The following ABCC1 variants were observed in gnomAD, a reference collection of about 807,000 sequenced individuals.
ABCC1 encodes ATP binding cassette subfamily C member 1 (ABCC1 blood group).
In ABCC1, 83 loss-of-function variants were observed where a neutral mutation model predicts 172.9. The observed-to-expected ratio is 0.48, with a 90% CI of 0.40 to 0.58. The LOEUF (loss-of-function observed/expected upper bound fraction) is 0.58, where lower values mean the gene tolerates loss of function less well. ABCC1 is among the 20% of genes least tolerant of loss of function. The pLI, the probability that ABCC1 is intolerant of heterozygous loss-of-function variation, is 0.00. For synonymous variants in ABCC1, 937 were observed against 825.2 expected, an observed-to-expected ratio of 1.14 and a Z score of -2.32; for missense variants, 1,817 against 2,002.7, an observed-to-expected ratio of 0.91 and a Z score of 1.77.
intron 23 of ABCC1, among the ~76,000 whole-genome samples, chr16:16,120,986 A>G (rs763639644): frequency 3.3e-5 from 5 of 152,196 alleles, no homozygotes; most frequent in South Asian, 2.1e-4. Context: ...GTCAAACTAT[A>G]TGAAACTGCT....
At chr16:16,041,301 C>T (rs561345665) in intron 7 of ABCC1, among the ~76,000 whole-genome samples, 1 of 152,146 alleles carries the variant, frequency 6.6e-6, no homozygotes, top group South Asian at 2.1e-4. Flanking sequence ...TAAGCTGTGC[C>T]CTAGCCCTGA....
At chr16:16,036,722 C>A in intron 7 of ABCC1, 119 bp downstream of exon 7, 1 of 1,063,152 alleles carries the variant, frequency 9.4e-7, no homozygotes, top group Non-Finnish European at 1.4e-6. Flanking sequence ...TGGTTCTGGG[C>A]AAGATGCCTC....
intron 5 of ABCC1, among the ~76,000 whole-genome samples, chr16:16,027,152 G>GTCATTTGAGGCCTGTTT (rs2048403654): frequency 6.6e-6 from 1 of 152,102 alleles, no homozygotes; most frequent in Non-Finnish European, 1.5e-5. Context: ...GCAAAAGACT[G>GTCATTTGAGGCCTGTTT]TCATTTGAGG....
intron 27 of ABCC1, among the ~76,000 whole-genome samples, chr16:16,132,675 C>T (rs539214863): frequency 6.6e-6 from 1 of 151,716 alleles, no homozygotes; most frequent in South Asian, 2.1e-4. Context: ...GCATGCGCCA[C>T]CATGCCTAGC....
chr16:16,080,699 A>G (rs2050772443), intron 16 of ABCC1, among the ~76,000 whole-genome samples: 1 of 152,200 alleles, frequency 6.6e-6, no homozygotes, highest in Non-Finnish European at 1.5e-5. Context: ...ACTTACAGTA[A>G]ACATTAGCAA....
intron 5 of ABCC1, 24 bp downstream of exon 5, chr16:16,016,645 TGTGTGC>T (rs1275319076): frequency 1.5e-5 from 24 of 1,613,396 alleles, no homozygotes; most frequent in African/African-American, 9.3e-5. Flanking sequence ...CAGATGAGTG[TGTGTGC>T]GTGTGTGTGT....
chr16:15,960,005 C>A (rs1320586679), intron 1 of ABCC1, among the ~76,000 whole-genome samples: 1 of 152,134 alleles, frequency 6.6e-6, no homozygotes, highest in Non-Finnish European at 1.5e-5. Flanking sequence ...CTCTGAGGAA[C>A]CTCAGTGTAC....
chr16:16,076,071 A>G, intron 14 of ABCC1: 1 of 508,292 alleles, frequency 2.0e-6, no homozygotes, highest in African/African-American at 2.0e-5. Context: ...ATGATCGTCC[A>G]GATGGCGCAA....
In ABCC1 at chr16:16,106,491, C is replaced by A. The variant is rs2052115203; in HGVS notation, c.2736-247C>A. 4 of 386,532 alleles carry A rather than the reference C, an allele frequency of 1.0e-5. No individual in the cohort carries two copies. The South Asian group carries it at 2.1e-4, about 20-fold the overall frequency. The allele number at this position is 386,532 out of a possible 1,614,324, so 23.9% of individuals were successfully genotyped here. On this transcript the variant is annotated intron_variant, in intron 20 of 30. Transcript: ENST00000399410. The stretch of plus-strand genomic sequence containing the variant: ...TTTTGCAGGCCCCCAGAGATCATCA[C>A]AGATTGCGTTTCCCATGGGTCTCAT...
At chr16:16,118,804 G>A (rs2045021257) in intron 23 of ABCC1, among the ~76,000 whole-genome samples, 1 of 146,140 alleles carries the variant, frequency 6.8e-6, no homozygotes, top group African/African-American at 2.5e-5. Context: ...TGAGATTATA[G>A]AATAGTTAAT....
intron 12 of ABCC1, among the ~76,000 whole-genome samples, chr16:16,059,187 C>T (rs1168720101): frequency 6.6e-6 from 1 of 152,134 alleles, no homozygotes; most frequent in Non-Finnish European, 1.5e-5. Flanking sequence ...GAATTTCAGG[C>T]CTCAGCCCAG....
rs2045829627 is a variant in ABCC1 at position 16,134,339 on chromosome 16, C to G, written c.3967-11C>G. The G allele has an allele frequency of 1.9e-6, 3 of 1,614,024 alleles. No homozygotes were observed. The highest frequency in any genetic ancestry group is 1.3e-5 in the African/African-American group (1 of 75,056). ...GCATTCCCACCACACCTGGGCCCTT[C>G]TGTCCTGCAGGTCGGCATCGTGGGG... On this transcript the variant is annotated splice_polypyrimidine_tract_variant and intron_variant, in intron 27 of 30. Coordinates refer to ENST00000399410, the MANE Select transcript of ABCC1 (RefSeq NM_004996.4).
intron 3 of ABCC1, among the ~76,000 whole-genome samples, chr16:16,011,823 C>T (rs1490556650): frequency 6.6e-6 from 1 of 152,140 alleles, no homozygotes; most frequent in Non-Finnish European, 1.5e-5. Flanking sequence ...GCATGCGCCA[C>T]CACGCCCGGC....
intron 7 of ABCC1, among the ~76,000 whole-genome samples, chr16:16,041,577 G>GGA (rs1224718945): frequency 1.3e-5 from 2 of 152,108 alleles, no homozygotes; most frequent in Non-Finnish European, 2.9e-5. Context: ...CTGTGAACCT[G>GGA]GAGAGAGTGA....
At chr16:16,004,657 C>CT (rs66530759) in intron 1 of ABCC1, among the ~76,000 whole-genome samples, 26,086 of 112,020 alleles carry the variant, frequency 0.23, 3,194 homozygotes, top group East Asian at 0.39. Flanking sequence ...GTAAGGTTTA[C>CT]TTTTTTTTTT....
chr16:16,037,138 G>T (rs1406734585), intron 7 of ABCC1, among the ~76,000 whole-genome samples: 2 of 152,036 alleles, frequency 1.3e-5, no homozygotes, highest in African/African-American at 4.8e-5. Context: ...GTCCAAACAG[G>T]CAGTTGATGC....
chr16:16,113,584 G>C (rs1213937833), intron 22 of ABCC1, among the ~76,000 whole-genome samples: 1 of 152,152 alleles, frequency 6.6e-6, no homozygotes, highest in Non-Finnish European at 1.5e-5. Context: ...GAGCCCAGGA[G>C]GTCGAGGCTG....
intron 22 of ABCC1, among the ~76,000 whole-genome samples, chr16:16,113,913 A>G (rs980675841): frequency 1.3e-5 from 2 of 152,052 alleles, no homozygotes; most frequent in Admixed American, 1.3e-4. Flanking sequence ...ACGGTTCACA[A>G]TAGGGTTCGC....
intron 1 of ABCC1, among the ~76,000 whole-genome samples, chr16:15,967,148 C>T (rs1291283270): frequency 6.6e-6 from 1 of 152,150 alleles, no homozygotes. Context: ...CTCTGAGTCA[C>T]ACCCTCTATA....
Sources: allele counts gnomAD v4.1 joint callset (sites outside exome capture counted in the v4.1 genomes callset), GRCh38; gene constraint gnomAD v4.1.1; transcripts MANE v1.5; gene names NCBI Gene and HGNC (gene_info 2026-07-23, HGNC 2026-07-21).